Variants in NDUFA13 observed in about 807,000 individuals in gnomAD.
NDUFA13 encodes the protein NADH:ubiquinone oxidoreductase subunit A13.
In NDUFA13, 16 loss-of-function variants were observed where a neutral mutation model predicts 17.0. The observed-to-expected ratio is 0.94, with a 90% CI of 0.64 to 1.43. The LOEUF (loss-of-function observed/expected upper bound fraction) is 1.43, where lower values mean the gene tolerates loss of function less well. Ranked by LOEUF, NDUFA13 falls within the 40% of genes most tolerant of loss-of-function variation. The pLI, the probability that NDUFA13 is intolerant of heterozygous loss-of-function variation, is 0.00. For missense variants in NDUFA13, 228 were observed against 206.7 expected, an observed-to-expected ratio of 1.10 and a Z score of -0.63; for synonymous variants, 87 against 78.4, an observed-to-expected ratio of 1.11 and a Z score of -0.58.
At chr19:19,527,164 C>CA in intron 2 of NDUFA13, 117 bp from the exon 3 acceptor site, 11 of 1,014,850 alleles carry the variant, frequency 1.1e-5, no homozygotes, top group Non-Finnish European at 1.5e-5. Context: ...CCCTGCCTGC[C>CA]TCCCCGCCCC....
chr19:19,516,792 A>G (rs538891759), intron 1 of NDUFA13, among the ~76,000 whole-genome samples: 77 of 148,104 alleles, frequency 5.2e-4, no homozygotes, highest in Non-Finnish European at 7.8e-4. Context: ...TAAATTTTCA[A>G]TTTTTTTTTT....
At chr19:19,517,272 C>T (rs2061054114) in intron 1 of NDUFA13, among the ~76,000 whole-genome samples, 1 of 148,492 alleles carries the variant, frequency 6.7e-6, no homozygotes, top group Admixed American at 6.7e-5. Context: ...CGGTATGGTT[C>T]TGTTGCCTGG....
At chr19:19,526,323 C>T in intron 2 of NDUFA13, 63 bp downstream of exon 2, 1 of 1,565,788 alleles carries the variant, frequency 6.4e-7, no homozygotes, top group Non-Finnish European at 8.8e-7. Context: ...GGTCCTGTAG[C>T]ATTCCGCTGT....
intron 2 of NDUFA13, 143 bp from the exon 3 acceptor site, chr19:19,527,138 C>T (rs1217506489): frequency 2.3e-5 from 21 of 918,984 alleles, no homozygotes; most frequent in South Asian, 1.0e-4. Flanking sequence ...GCCCTTCCCG[C>T]GACCCTCGCC....
In NDUFA13 at chr19:19,528,089, C is replaced by G. The variant is rs138519999; in HGVS notation, c.398C>G (p.Ala133Gly). Residue 133 changes from alanine (A) to glycine (G), a missense_variant, in exon 5 of 5, where the codon GCT (alanine) becomes GGT (glycine). By Grantham distance (60) the Ala-to-Gly change is moderately conservative. Transcript: ENST00000507754. ...TACGGGCTGCGCACCACAGAGGAGG[C>G]TCTCCATGCCAGCCACGGCTTCATG... ...ELYGLRTTEE[A>G]LHASHGFMWY... The G allele has an allele frequency of 2.5e-6, 4 of 1,611,658 alleles. No homozygotes were observed. Among genetic ancestry groups the G allele is most frequent in the Non-Finnish European group, 3.4e-6 (4 of 1,179,862 alleles).
chr19:19,526,038 T>C, intron 1 of NDUFA13, 144 bp from the exon 2 acceptor site: 1 of 1,518,092 alleles, frequency 6.6e-7, no homozygotes, highest in Non-Finnish European at 8.8e-7. Flanking sequence ...ACCCCTGGCA[T>C]GGGGGCAGAG....
chr19:19,524,837 C>T (rs763201162), intron 1 of NDUFA13, among the ~76,000 whole-genome samples: 4 of 151,838 alleles, frequency 2.6e-5, no homozygotes, highest in Non-Finnish European at 5.9e-5. Context: ...AAGAAAAGAA[C>T]GAGATATGAC....
chr19:19,520,695 T>C (rs1457786584), intron 1 of NDUFA13, among the ~76,000 whole-genome samples: 1 of 152,168 alleles, frequency 6.6e-6, no homozygotes, highest in Non-Finnish European at 1.5e-5. Flanking sequence ...ATTCACAAAG[T>C]TGTATGGCCA....
Position 19,527,271 on chromosome 19 carries a change from G to C in NDUFA13, c.174-10G>C. 2 of 1,613,940 alleles carry C rather than the reference G, an allele frequency of 1.2e-6. No homozygotes were observed. The highest frequency in any genetic ancestry group is 1.7e-6 in the Non-Finnish European group (2 of 1,179,996). ...GGTCTGACCTGAGTGTGGGTTTCGG[G>C]CTTTCACAGGCGCCTACAAATCGAG... On this transcript the variant is annotated splice_polypyrimidine_tract_variant and intron_variant, in intron 2 of 4. Transcript: ENST00000507754.
At position 19,526,255 on chromosome 19, in the gene NDUFA13, G is replaced by A. The variant is rs2061099120; in HGVS notation, c.168G>A (p.Glu56=). ...GHWSIMKWNR[E]RRRLQIEDFE... is the part of the protein sequence containing the mutation. ...GGAGCATAATGAAGTGGAACCGTGA[G>A]CGCAGGTAGGGCCCCTGGTGGGCGT... The change falls in exon 2 of 5, where the codon GAG becomes GAA. Residue 56 remains glutamate (E), a synonymous_variant. Transcript: ENST00000507754. 3.1e-6 allele frequency: 5 copies of A among 1,614,008 alleles called. No individual in the cohort carries two copies. The highest frequency in any genetic ancestry group is 2.2e-5 in the East Asian group (1 of 44,900).
chr19:19,527,468 C>T (rs1397454184), intron 3 of NDUFA13, 116 bp downstream of exon 3: 8 of 1,291,526 alleles, frequency 6.2e-6, no homozygotes, highest in East Asian at 4.7e-5. Flanking sequence ...CGCCCTGTGC[C>T]GTCAGCTGCA....
In NDUFA13 at chr19:19,526,220, T is replaced by C. The variant is rs1400394055; in HGVS notation, c.133T>C (p.Tyr45His). The C allele has an allele frequency of 4.3e-6, 7 of 1,614,036 alleles. No homozygotes were observed. Among genetic ancestry groups the C allele is most frequent in the Non-Finnish European group, 5.9e-6 (7 of 1,180,022 alleles). The part of the protein sequence containing the change: ...MLAIGIGTLI[Y>H]GHWSIMKWNR... ...GGCCATAGGGATTGGAACCCTGATCTACGGGCACTGGAGCATAATGAAGTG... is the reference window on the plus strand; with the variant it reads ...GGCCATAGGGATTGGAACCCTGATCCACGGGCACTGGAGCATAATGAAGTG... The change falls in exon 2 of 5, where the codon TAC becomes CAC. Residue 45 changes from tyrosine (Y) to histidine (H), a missense_variant. Transcript: ENST00000507754.
chr19:19,516,590 A>T (rs552399197), intron 1 of NDUFA13, among the ~76,000 whole-genome samples: 1 of 152,334 alleles, frequency 6.6e-6, no homozygotes, highest in South Asian at 2.1e-4. Context: ...ACTGAGTCAT[A>T]GCCTGTGCTC....
chr19:19,522,849 T>C (rs2061084250), intron 1 of NDUFA13, among the ~76,000 whole-genome samples: 1 of 152,234 alleles, frequency 6.6e-6, no homozygotes, highest in Non-Finnish European at 1.5e-5. Flanking sequence ...CTTTAGCATG[T>C]GGCTGTCTGG....
chr19:19,519,817 G>A (rs1317800514), intron 1 of NDUFA13, among the ~76,000 whole-genome samples: 3 of 148,062 alleles, frequency 2.0e-5, no homozygotes, highest in Non-Finnish European at 4.5e-5. Flanking sequence ...ATGGTCCACA[G>A]TGGCCTTCCC....
chr19:19,527,233 C>G, intron 2 of NDUFA13, 48 bp from the exon 3 acceptor site: 2 of 1,609,464 alleles, frequency 1.2e-6, no homozygotes, highest in South Asian at 2.2e-5. Flanking sequence ...CCTGTGCTCC[C>G]CCGACCTAGC....
intron 2 of NDUFA13, chr19:19,526,706 CAG>C: frequency 3.2e-6 from 1 of 312,164 alleles, no homozygotes; most frequent in Non-Finnish European, 6.3e-6. Context: ...AGTGGACACA[CAG>C]GGCCAGATGA....
intron 1 of NDUFA13, among the ~76,000 whole-genome samples, chr19:19,525,292 C>G (rs1484076178): frequency 1.3e-5 from 2 of 152,254 alleles, no homozygotes; most frequent in South Asian, 2.1e-4. Flanking sequence ...CCGGGTCTAG[C>G]AGAGGTGCCC....
At chr19:19,525,184 C>T (rs1205765918) in intron 1 of NDUFA13, among the ~76,000 whole-genome samples, 1 of 152,250 alleles carries the variant, frequency 6.6e-6, no homozygotes, top group Non-Finnish European at 1.5e-5. Context: ...ACCCAGCACA[C>T]CCTCATTACC....
Sources: gnomAD v4.1 joint callset for allele counts (sites outside exome capture counted in the v4.1 genomes callset) on GRCh38, gnomAD v4.1.1 for gene constraint, MANE v1.5 for transcripts, NCBI Gene and HGNC (gene_info 2026-07-23, HGNC 2026-07-21) for gene names.